CPXM1: variants seen among roughly 807,000 people sequenced by gnomAD.
The protein encoded by CPXM1 is probable carboxypeptidase X1.
A neutral mutation model predicts 80.4 loss-of-function variants in CPXM1; 72 were observed. The observed-to-expected ratio is 0.90, with a 90% confidence interval of 0.74 to 1.09. The LOEUF is 1.09. Ranked by LOEUF, CPXM1 falls within the 50% of genes least tolerant of loss-of-function variation. The probability of loss-of-function intolerance (pLI) is 0.00; values close to 1 mark genes in which losing one functional copy is unlikely to be tolerated. For synonymous variants in CPXM1, 403 were observed against 405.6 expected (o/e 0.99, Z 0.08); for missense variants, 892 against 999.4 (o/e 0.89, Z 1.45).
chr20:2,797,817 C>G (rs2088525554), intron 5 of CPXM1, 151 bp downstream of exon 5: 3 of 677,132 alleles, frequency 4.4e-6, no homozygotes, highest in Non-Finnish European at 5.0e-6. Flanking sequence ...CCAATGGTGC[C>G]TGCCGTGTGC....
Position 2,794,591 on chromosome 20 carries a change from CA to C in CPXM1, c.1908del (p.Ile638LeufsTer15), listed in dbSNP as rs2088485552. On this transcript the variant is annotated frameshift_variant, in exon 13 of 14. Coordinates refer to ENST00000380605, the MANE Select transcript of CPXM1 (RefSeq NM_019609.5). LOFTEE classifies it high-confidence loss of function. The surrounding 1 kb of genome is among the most constrained non-coding windows in gnomAD (Gnocchi z 5.2). ...ACGGCAATGACAGCGTCAGCAATCC[CA>C]AGCTCCGTGTCCTTGTCCCTCACCA... ...AGVVRDKDTELGIADAVIAVD... is the reference protein window; with the variant it reads ...AGVVRDKDTEXGIADAVIAVD... 1 of 1,613,590 alleles carries C rather than the reference CA, an allele frequency of 6.2e-7. No individual in the cohort carries two copies. Among genetic ancestry groups the C allele is most frequent in the Non-Finnish European group, 8.5e-7 (1 of 1,180,038 alleles).
rs369924880 is a variant in CPXM1, at chr20:2,795,812, C to T, written c.1507G>A (p.Val503Met). The T allele has an allele frequency of 1.1e-5, 18 of 1,612,062 alleles. No individual in the cohort carries two copies. The highest frequency in any genetic ancestry group is 4.5e-5 in the East Asian group (2 of 44,888). Reference protein sequence around the residue: ...LSANLHGGELVVSYPFDMTRT... With the variant: ...LSANLHGGELMVSYPFDMTRT... ...GTCATGTCGAATGGGTAGGACACCA[C>T]GAGCTCACCCCCGTGGAGGTTGGCA... The change falls in exon 11 of 14, where the codon GTG (valine) becomes ATG (methionine). Residue 503 changes from valine (V) to methionine (M), a missense_variant. By Grantham distance (21) the Val-to-Met change is conservative (BLOSUM62 1). Transcript: ENST00000380605. This position sits in a 1 kb window ranked among gnomAD's most constrained non-coding sequence, Gnocchi z 5.4.
chr20:2,796,358 C>G lies in CPXM1; in HGVS notation c.1131G>C (p.Leu377=), dbSNP rs1163524368. The G allele has an allele frequency of 8.1e-6, 13 of 1,613,992 alleles. No homozygotes were observed. Among genetic ancestry groups the G allele is most frequent in the Non-Finnish European group, 1.1e-5 (13 of 1,180,016 alleles). The change falls in exon 9 of 14, where the codon CTG becomes CTC. Residue 377 remains leucine, a synonymous_variant. Transcript: ENST00000380605. The surrounding 1 kb of genome is among the most constrained non-coding windows in gnomAD (Gnocchi z 6.8). ...GGTTCCCTCGCAGGAACTCATGGCA[C>G]AGGAACTGCATCAGGAGCAGAAGCA... The part of the protein sequence containing the change: ...RELLLLLMQF[L]CHEFLRGNPR...
In CPXM1 at chr20:2,797,983, GCTGTGGTTCCTA is replaced by G. The variant is rs766220299; in HGVS notation, c.654_665del (p.Arg219_Ser222del). On this transcript the variant is annotated inframe_deletion, in exon 5 of 14. Coordinates refer to ENST00000380605, the MANE Select transcript of CPXM1 (RefSeq NM_019609.5). ...GACCACTCACTGCGTCCATCCCACT[GCTGTGGTTCCTA>G]CTTCCCCACCAGGTCCGACTGTCAT... The G allele has an allele frequency of 3.7e-5, 60 of 1,614,018 alleles. No homozygotes were observed. The highest frequency in any genetic ancestry group is 4.3e-5 in the Non-Finnish European group (51 of 1,179,980).
chr20:2,800,271 GGTGA>G, intron 1 of CPXM1, 126 bp downstream of exon 1: 1 of 802,928 alleles, frequency 1.2e-6, no homozygotes, highest in Admixed American at 4.1e-5. Context: ...GTGCGTGCGG[GGTGA>G]GTGTGCATGA....
chr20:2,796,706 G>C lies in CPXM1; in HGVS notation c.922-56C>G. The C allele has an allele frequency of 6.3e-7, 1 of 1,598,806 alleles. No homozygotes were observed. ...CATGGGAGGGGTACACCCAGGGGCA[G>C]ATCACATGTGCCATGGAAAGACTTA... On this transcript the variant is annotated intron_variant, in intron 7 of 13. Coordinates refer to ENST00000380605, the MANE Select transcript of CPXM1 (RefSeq NM_019609.5). The surrounding 1 kb of genome is among the most constrained non-coding windows in gnomAD (Gnocchi z 6.8).
rs147693328 is a variant in CPXM1 at position 2,795,731 on chromosome 20, G to A, written c.1588C>T (p.Arg530Cys). 43 of 1,613,794 alleles carry A rather than the reference G, an allele frequency of 2.7e-5. No homozygotes were observed. Among genetic ancestry groups the A allele is most frequent in the South Asian group, 7.7e-5 (7 of 91,092 alleles). Residue 530 changes from arginine (R) to cysteine (C), a missense_variant, in exon 11 of 14, where the codon CGC (arginine) becomes TGC (cysteine). Physicochemically the swap from Arg to Cys is radical, Grantham distance 180. This residue lies in a region of CPXM1 where 874 missense variants were observed against 958.4 expected (regional missense o/e 0.91). Coordinates refer to ENST00000380605, the MANE Select transcript of CPXM1 (RefSeq NM_019609.5). The surrounding 1 kb of genome is among the most constrained non-coding windows in gnomAD (Gnocchi z 5.4). ...CCAGCATAGACAGTGCTGAGCCAGCGAAACACAGCATCATCTGGTGTGGGC... is the reference window on the plus strand; with the variant it reads ...CCAGCATAGACAGTGCTGAGCCAGCAAAACACAGCATCATCTGGTGTGGGC... ...LTPTPDDAVF[R>C]WLSTVYAGSN...
rs577089482 is a variant in CPXM1, at chr20:2,794,470, G to A, written c.1964-39C>T. 3 of 1,613,424 alleles carry A rather than the reference G, an allele frequency of 1.9e-6. No homozygotes were observed. In the South Asian group the frequency reaches 3.3e-5, roughly 18 times the overall value. On this transcript the variant is annotated intron_variant, in intron 13 of 13. Coordinates refer to ENST00000380605, the MANE Select transcript of CPXM1 (RefSeq NM_019609.5). The surrounding 1 kb of genome is among the most constrained non-coding windows in gnomAD (Gnocchi z 5.2). ...AGGGCACGATCAGGACCCAATTAAT[G>A]ATCTTCTGCTTCTTCCCGAGCCTCC...
rs191093905 is a variant in CPXM1, at chr20:2,794,295, G to A, written c.2100C>T (p.Leu700=). ...GCAGCCTCTGTTTGGGAGTCTTGGT[G>A]AGCACGAAATTGCAGGGGAAGGGGC... ...EEGPFPCNFV[L]TKTPKQRLRE... Residue 700 remains leucine (L), a synonymous_variant, in exon 14 of 14, where the codon CTC becomes CTT. Transcript: ENST00000380605. This position sits in a 1 kb window ranked among gnomAD's most constrained non-coding sequence, Gnocchi z 5.2. 1.9e-6 allele frequency: 3 copies of A among 1,614,154 alleles called. No homozygotes were observed. Among genetic ancestry groups the A allele is most frequent in the Non-Finnish European group, 2.5e-6 (3 of 1,180,040 alleles).
chr20:2,794,744 G>A lies in CPXM1; in HGVS notation c.1861-105C>T, dbSNP rs917314150. On this transcript the variant is annotated intron_variant, in intron 12 of 13. Coordinates refer to ENST00000380605, the MANE Select transcript of CPXM1 (RefSeq NM_019609.5). The surrounding 1 kb of genome is among the most constrained non-coding windows in gnomAD (Gnocchi z 5.2). Reference sequence around the variant, plus strand: ...CCTGCAAACCTGAGCAAAGTGGTAGGTCTACTGTGTTCCTAGGTGACACTA... The same window carrying A: ...CCTGCAAACCTGAGCAAAGTGGTAGATCTACTGTGTTCCTAGGTGACACTA... 3.8e-6 allele frequency: 3 copies of A among 790,740 alleles called. No homozygotes were observed. The highest frequency in any genetic ancestry group is 3.4e-5 in the African/African-American group (2 of 58,644). The allele number at this position is 790,740 out of a possible 1,614,324, so 49.0% of individuals were successfully genotyped here.
chr20:2,795,525 T>C lies in CPXM1; in HGVS notation c.1720+74A>G. On this transcript the variant is annotated intron_variant, in intron 11 of 13. Transcript: ENST00000380605. This position sits in a 1 kb window ranked among gnomAD's most constrained non-coding sequence, Gnocchi z 5.4. Reference sequence around the variant, plus strand: ...TCAGAGTGGGAACAGACGCCAGCACTGTACGCAACCGCAGGCTGTCTTATC... The same window carrying C: ...TCAGAGTGGGAACAGACGCCAGCACCGTACGCAACCGCAGGCTGTCTTATC... 2 of 1,587,842 alleles carry C rather than the reference T, an allele frequency of 1.3e-6. No homozygotes were observed. Among genetic ancestry groups the C allele is most frequent in the Non-Finnish European group, 1.7e-6 (2 of 1,163,882 alleles).
rs142423261 is a variant in CPXM1, at chr20:2,794,594, G to T, written c.1906C>A (p.Leu636Ile). ...GCAATGACAGCGTCAGCAATCCCAA[G>T]CTCCGTGTCCTTGTCCCTCACCACT... is the stretch of plus-strand genomic sequence containing the variant. ...AGVVRDKDTE[L>I]GIADAVIAVD... is the part of the protein sequence containing the mutation. The change falls in exon 13 of 14, where the codon CTT becomes ATT. Residue 636 changes from leucine to isoleucine, a missense_variant. Physicochemically the swap from Leu to Ile is conservative, Grantham distance 5. Around this residue, in one of 2 missense-constraint regions of CPXM1, gnomAD observed 874 missense variants for 958.4 expected, o/e 0.91. Coordinates refer to ENST00000380605, the MANE Select transcript of CPXM1 (RefSeq NM_019609.5). The surrounding 1 kb of genome is among the most constrained non-coding windows in gnomAD (Gnocchi z 5.2). 1.3e-5 allele frequency: 21 copies of T among 1,613,582 alleles called. No individual in the cohort carries two copies. In the South Asian group the frequency reaches 2.3e-4, roughly 18 times the overall value.
Position 2,795,381 on chromosome 20 carries a change from A to G in CPXM1, c.1756T>C (p.Phe586Leu). Reference sequence around the variant, plus strand: ...CAGGACAGCTCCACAGTGACCTCAAAGCAGTTGGTGTGTAGGTAGCTGAAG... The same window carrying G: ...CAGGACAGCTCCACAGTGACCTCAAGGCAGTTGGTGTGTAGGTAGCTGAAG... ...NDFSYLHTNC[F>L]EVTVELSCDK... Residue 586 changes from phenylalanine (F) to leucine (L), a missense_variant, in exon 12 of 14, where the codon TTT (phenylalanine) becomes CTT (leucine). Physicochemically the swap from Phe to Leu is conservative, Grantham distance 22. This residue lies in a region of CPXM1 where 874 missense variants were observed against 958.4 expected (regional missense o/e 0.91). Transcript: ENST00000380605. The surrounding 1 kb of genome is among the most constrained non-coding windows in gnomAD (Gnocchi z 5.4). 1 of 1,614,146 alleles carries G rather than the reference A, an allele frequency of 6.2e-7. No individual in the cohort carries two copies. The highest frequency in any genetic ancestry group is 8.5e-7 in the Non-Finnish European group (1 of 1,179,996).
At position 2,797,193 on chromosome 20, in the gene CPXM1, T is replaced by G; in HGVS notation, c.831A>C (p.Ser277=). Residue 277 remains serine (S), a splice_region_variant and synonymous_variant, in exon 6 of 14, where the codon TCA becomes TCC. Coordinates refer to ENST00000380605, the MANE Select transcript of CPXM1 (RefSeq NM_019609.5). ...LRAEILACPV[S]DPNDLFLEAP... ...ACCAACCCTGGCCTGACTGCCCACCTGAGACTGGGCAGGCCAGGATCTCTG... is the reference window on the plus strand; with the variant it reads ...ACCAACCCTGGCCTGACTGCCCACCGGAGACTGGGCAGGCCAGGATCTCTG... 3.1e-6 allele frequency: 5 copies of G among 1,595,296 alleles called. No individual in the cohort carries two copies. Among genetic ancestry groups the G allele is most frequent in the Non-Finnish European group, 4.3e-6 (5 of 1,168,134 alleles).
Position 2,796,964 on chromosome 20 carries a change from T to G in CPXM1, c.921+42A>C. 3.8e-6 allele frequency: 6 copies of G among 1,565,154 alleles called. No homozygotes were observed. The highest frequency in any genetic ancestry group is 5.3e-6 in the Non-Finnish European group (6 of 1,136,758). ...GGGAAGGTGGGAAGGGGACCTGAGATGGGTGGGCCCTCCTTCCCAGGTCAT... is the reference window on the plus strand; with the variant it reads ...GGGAAGGTGGGAAGGGGACCTGAGAGGGGTGGGCCCTCCTTCCCAGGTCAT... On this transcript the variant is annotated intron_variant, in intron 7 of 13. Transcript: ENST00000380605. The surrounding 1 kb of genome is among the most constrained non-coding windows in gnomAD (Gnocchi z 6.8).
At position 2,800,595 on chromosome 20, in the gene CPXM1, C is replaced by T; in HGVS notation, c.-23G>A. ...CATGGCGGGGATTGAGTGCCAGGGGCGCGCGGGCTACGGCGGGTGGCGGGT... is the reference window on the plus strand; with the variant it reads ...CATGGCGGGGATTGAGTGCCAGGGGTGCGCGGGCTACGGCGGGTGGCGGGT... On this transcript the variant is annotated 5_prime_UTR_variant, in exon 1 of 14. Coordinates refer to ENST00000380605, the MANE Select transcript of CPXM1 (RefSeq NM_019609.5). 2.8e-5 allele frequency: 37 copies of T among 1,323,328 alleles called. No individual in the cohort carries two copies. The highest frequency in any genetic ancestry group is 3.4e-5 in the Non-Finnish European group (35 of 1,040,082). 82.0% of individuals were successfully genotyped at this position (1,323,328 alleles called of 1,614,324 possible).
Position 2,794,076 on chromosome 20 carries a change from A to C in CPXM1, c.*114T>G. Reference sequence around the variant, plus strand: ...ACAGAGACAACACGAAGATGAGCTAAGGTGCCCGGTAGCTTTAATGAGCAC... The same window carrying C: ...ACAGAGACAACACGAAGATGAGCTACGGTGCCCGGTAGCTTTAATGAGCAC... On this transcript the variant is annotated 3_prime_UTR_variant, in exon 14 of 14. Transcript: ENST00000380605. This position sits in a 1 kb window ranked among gnomAD's most constrained non-coding sequence, Gnocchi z 5.2. 7.1e-7 allele frequency: 1 copy of C among 1,414,924 alleles called. No homozygotes were observed. Among genetic ancestry groups the C allele is most frequent in the Non-Finnish European group, 9.5e-7 (1 of 1,050,244 alleles). The allele number at this position is 1,414,924 out of a possible 1,614,324, so 87.6% of individuals were successfully genotyped here.
Position 2,798,235 on chromosome 20 carries a change from G to GTCCTGC in CPXM1, c.501_506dup (p.Glu167_Gln168dup). 1.9e-6 allele frequency: 3 copies of GTCCTGC among 1,613,938 alleles called. No individual in the cohort carries two copies. Among genetic ancestry groups the GTCCTGC allele is most frequent in the Non-Finnish European group, 2.5e-6 (3 of 1,180,030 alleles). The stretch of plus-strand genomic sequence containing the variant: ...CGTCCACCTGAAACCATGGATCGGC[G>GTCCTGC]TCCTGCTCCTCAGCACACCAGGCTC... On this transcript the variant is annotated inframe_insertion, in exon 4 of 14. Transcript: ENST00000380605.
chr20:2,797,100 G>A lies in CPXM1; in HGVS notation c.833-6C>T, dbSNP rs961244069. 4.3e-6 allele frequency: 7 copies of A among 1,613,950 alleles called. No homozygotes were observed. The highest frequency in any genetic ancestry group is 4.5e-5 in the East Asian group (2 of 44,898). On this transcript the variant is annotated splice_polypyrimidine_tract_variant and splice_region_variant and intron_variant, in intron 6 of 13. Transcript: ENST00000380605. ...AAGGAATAGGTCATTGGGGTCTGGT[G>A]GAGGTTGAGTTTATGGTAAAGGGTG...
Sources: gnomAD v4.1 joint callset for allele counts on GRCh38, gnomAD v4.1.1 for gene constraint, gnomAD v4.1.1 regional missense constraint, Gnocchi (gnomAD v3.1) non-coding constraint, MANE v1.5 for transcripts, NCBI Gene and HGNC (gene_info 2026-07-23, HGNC 2026-07-21) for gene names.